MICU3: variants seen among roughly 807,000 people sequenced by gnomAD.
The protein encoded by MICU3 is calcium uptake protein 3, mitochondrial.
MICU3 carries 62 observed loss-of-function variants against 66.5 expected under a neutral mutation model. The observed-to-expected ratio is 0.93, with a 90% CI of 0.76 to 1.15. The LOEUF (loss-of-function observed/expected upper bound fraction) is 1.15. Among genes scored for constraint, MICU3 ranks in the 50% most tolerant of loss-of-function variants. The probability of loss-of-function intolerance (pLI) is 0.00; values close to 1 mark genes in which losing one functional copy is unlikely to be tolerated. For synonymous variants in MICU3, 308 were observed against 240.7 expected (o/e 1.28, Z -2.59); for missense variants, 779 against 664.4 (o/e 1.17, Z -1.90).
intron 14 of MICU3, 86 bp from the exon 15 acceptor site, chr8:17,120,202 T>C (rs570625276): frequency 6.0e-4 from 76 of 126,002 alleles, no homozygotes; most frequent in African/African-American, 2.3e-3. Flanking sequence ...TTACGTTTCA[T>C]ATTATTATAA....
intron 3 of MICU3, among the ~76,000 whole-genome samples, chr8:17,074,605 G>C (rs966769260): frequency 8.0e-5 from 12 of 150,700 alleles, no homozygotes; most frequent in Non-Finnish European, 1.2e-4. Flanking sequence ...GTGTGTGTGT[G>C]TGTGTGTGTG....
At chr8:17,074,954 G>T (rs1354309572) in intron 3 of MICU3, among the ~76,000 whole-genome samples, 1 of 151,984 alleles carries the variant, frequency 6.6e-6, no homozygotes, top group Non-Finnish European at 1.5e-5. Flanking sequence ...AAGTTTCGGG[G>T]CTCCAGGCCA....
chr8:17,049,553 A>G (rs1815692309), intron 1 of MICU3: 2 of 514,364 alleles, frequency 3.9e-6, no homozygotes, highest in South Asian at 2.9e-5. Flanking sequence ...TAAAGTTTGC[A>G]GAAAGTTAAG....
In MICU3 at chr8:17,098,753, AT is replaced by A. The variant is rs561257397; in HGVS notation, c.984+208del. On this transcript the variant is annotated intron_variant, in intron 9 of 14. Transcript: ENST00000318063. Reference sequence around the variant, plus strand: ...TTGAACTTAATTAAAAGGAAATGGCATTTTTTTTAACTTAAGGATCACTTTC... The same window carrying A: ...TTGAACTTAATTAAAAGGAAATGGCATTTTTTTAACTTAAGGATCACTTTC... Among the ~76,000 whole-genome samples the A allele has an allele frequency of 4.0e-3, 609 of 151,662 alleles. 2 individuals carry two copies. The highest frequency in any genetic ancestry group is 5.4e-3 in the Non-Finnish European group (363 of 67,746).
the MICU3 span, among the ~76,000 whole-genome samples, chr8:17,133,330 G>C: frequency 6.6e-6 from 1 of 152,018 alleles, no homozygotes; most frequent in South Asian, 2.1e-4. Flanking sequence ...GACATTTTTT[G>C]CTAACCATTA....
chr8:17,028,915 G>C (rs188247454), intron 1 of MICU3, among the ~76,000 whole-genome samples: 1 of 151,728 alleles, frequency 6.6e-6, no homozygotes, highest in Non-Finnish European at 1.5e-5. Flanking sequence ...GGGAATTCAA[G>C]TAGTATTTTC....
intron 8 of MICU3, among the ~76,000 whole-genome samples, chr8:17,092,743 A>G (rs1367059128): frequency 6.6e-6 from 1 of 152,080 alleles, no homozygotes; most frequent in Non-Finnish European, 1.5e-5. Flanking sequence ...AAATTCCAAC[A>G]TCCTGAAAAT....
intron 4 of MICU3, among the ~76,000 whole-genome samples, chr8:17,080,286 A>G (rs938103377): frequency 5.3e-5 from 8 of 152,100 alleles, no homozygotes; most frequent in Non-Finnish European, 8.8e-5. Context: ...AGCCACTTCA[A>G]TCACCATGTG....
At chr8:17,040,534 T>G (rs902258695) in intron 1 of MICU3, among the ~76,000 whole-genome samples, 7 of 152,230 alleles carry the variant, frequency 4.6e-5, no homozygotes, top group Admixed American at 2.0e-4. Context: ...AATGATTGGA[T>G]ACTGAGTCGT....
chr8:17,072,891 T>G (rs778407338), intron 3 of MICU3, among the ~76,000 whole-genome samples: 1 of 152,072 alleles, frequency 6.6e-6, no homozygotes, highest in Non-Finnish European at 1.5e-5. Context: ...TGTATTTACT[T>G]TTTAATTTTT....
downstream of MICU3, among the ~76,000 whole-genome samples, chr8:17,123,534 A>G (rs746283242): frequency 3.3e-5 from 5 of 152,078 alleles, no homozygotes; most frequent in African/African-American, 1.2e-4. Context: ...CATTGAAAGG[A>G]TAGTTATATA....
In MICU3 at chr8:17,062,314, G is replaced by T. The variant is rs115855866; in HGVS notation, c.382-1770G>T. ...TGCATTTAACCCATTCCGTTTCTCT[G>T]TTTGTGCCTTTTGTCTCTCCAGCCA... On this transcript the variant is annotated intron_variant, in intron 1 of 14. Coordinates refer to ENST00000318063, the MANE Select transcript of MICU3 (RefSeq NM_181723.3). Among the ~76,000 whole-genome samples the T allele has an allele frequency of 8.1e-3, 1,235 of 152,152 alleles. 14 individuals are homozygous for T. Among genetic ancestry groups the T allele is most frequent in the African/African-American group, 0.028 (1,181 of 41,522 alleles).
intron 1 of MICU3, among the ~76,000 whole-genome samples, chr8:17,061,980 G>C (rs1284848084): frequency 1.3e-5 from 2 of 152,084 alleles, no homozygotes; most frequent in Non-Finnish European, 2.9e-5. Context: ...TTTGGTACCA[G>C]GTTGCTTTAT....
chr8:17,043,598 A>G (rs1221768111), intron 1 of MICU3, among the ~76,000 whole-genome samples: 2 of 152,226 alleles, frequency 1.3e-5, no homozygotes, highest in South Asian at 4.1e-4. Context: ...TTGCTGTCAC[A>G]TGACCTCCTC....
At chr8:17,110,562 C>A (rs544166887) in intron 11 of MICU3, among the ~76,000 whole-genome samples, 1 of 152,138 alleles carries the variant, frequency 6.6e-6, no homozygotes, top group East Asian at 1.9e-4. Flanking sequence ...TTATTATTCA[C>A]TTAAATTTAT....
At chr8:17,040,386 C>A in intron 1 of MICU3, among the ~76,000 whole-genome samples, 1 of 152,104 alleles carries the variant, frequency 6.6e-6, no homozygotes, top group East Asian at 1.9e-4. Flanking sequence ...TATAGTTCTT[C>A]CAAAATCTTG....
rs558715645 is a variant in MICU3 at position 17,077,397 on chromosome 8, G to A, written c.568-386G>A. 4.6e-5 allele frequency among the ~76,000 whole-genome samples: 7 copies of A among 152,218 alleles called. No individual in the cohort carries two copies. In the East Asian group the frequency reaches 9.7e-4, roughly 21 times the overall value. On this transcript the variant is annotated intron_variant, in intron 3 of 14. Coordinates refer to ENST00000318063, the MANE Select transcript of MICU3 (RefSeq NM_181723.3). ...GACATTACGTGAAGCCGGGTGATGT[G>A]ACCATCTCCGACCTTGATATGGAAA... is the stretch of plus-strand genomic sequence containing the variant.
rs1350763384 is a variant in MICU3, at chr8:17,120,953, ATGTC to A, written c.*670_*673del. 1 of 152,006 alleles carries A rather than the reference ATGTC, an allele frequency of 6.6e-6. No homozygotes were observed. Among genetic ancestry groups the A allele is most frequent in the Non-Finnish European group, 1.5e-5 (1 of 67,864 alleles). The allele number at this position is 152,006 out of a possible 1,614,324, so 9.4% of individuals were successfully genotyped here. ...TTGTTTATTTGCCAAAGTCAACAGA[ATGTC>A]TGTTATTGTTTTATGTATACGGTAA... On this transcript the variant is annotated 3_prime_UTR_variant, in exon 15 of 15. Transcript: ENST00000318063.
At chr8:17,058,808 A>C (rs965595134) in intron 1 of MICU3, among the ~76,000 whole-genome samples, 2 of 152,190 alleles carry the variant, frequency 1.3e-5, no homozygotes, top group Non-Finnish European at 2.9e-5. Context: ...ACAAACGACA[A>C]ATTATTCATC....
Sources: allele counts gnomAD v4.1 joint callset (sites outside exome capture counted in the v4.1 genomes callset), GRCh38; gene constraint gnomAD v4.1.1; transcripts MANE v1.5; gene names NCBI Gene and HGNC (gene_info 2026-07-23, HGNC 2026-07-21).